The following NSF variants were observed in gnomAD, a reference collection of about 807,000 sequenced individuals.
NSF encodes the protein vesicle-fusing ATPase.
Under a neutral mutation model 50.3 loss-of-function variants are expected in NSF, and 14 were observed. That is an observed-to-expected ratio of 0.28 (90% CI 0.18 to 0.44). The LOEUF (loss-of-function observed/expected upper bound fraction) is 0.44. Among genes scored for constraint, NSF ranks in the 20% least tolerant of loss-of-function variants. The pLI, the probability that NSF is intolerant of heterozygous loss-of-function variation, is 1.00. For missense variants in NSF, 218 were observed against 504.3 expected (o/e 0.43, Z 5.44); for synonymous variants, 109 against 175.7 (o/e 0.62, Z 3.00).
At chr17:46,675,664 G>A (rs1598671310) in intron 9 of NSF, among the ~76,000 whole-genome samples, 2 of 136,300 alleles carry the variant, frequency 1.5e-5, no homozygotes, top group South Asian at 4.6e-4. Flanking sequence ...ACACACACAC[G>A]AACATTCTAT....
chr17:46,714,028 ATG>A (rs141777720), intron 15 of NSF, 42 bp downstream of exon 15: 443 of 1,574,132 alleles, frequency 2.8e-4, no homozygotes, highest in Admixed American at 5.0e-4. Flanking sequence ...TATCTCTTAA[ATG>A]TGTGTGTGTG....
At chr17:46,623,317 C>A (rs1598647477) in intron 1 of NSF, among the ~76,000 whole-genome samples, 3 of 45,414 alleles carry the variant, frequency 6.6e-5, no homozygotes, top group Non-Finnish European at 7.1e-5. Context: ...GACTCCATCT[C>A]AAAAAAAAAA....
chr17:46,751,034 G>C (rs1410035726), intron 18 of NSF, among the ~76,000 whole-genome samples: 1 of 152,186 alleles, frequency 6.6e-6, no homozygotes, highest in Non-Finnish European at 1.5e-5. Context: ...TTGTTCAGCA[G>C]TGGTGGAGTC....
At chr17:46,734,238 C>T (rs2146306504) in intron 17 of NSF, among the ~76,000 whole-genome samples, 1 of 152,254 alleles carries the variant, frequency 6.6e-6, no homozygotes, top group East Asian at 1.9e-4. Flanking sequence ...GAGTATCTCT[C>T]CATCTATTTG....
intron 9 of NSF, among the ~76,000 whole-genome samples, chr17:46,685,465 T>C (rs1018683383): frequency 2.0e-5 from 3 of 151,990 alleles, no homozygotes; most frequent in African/African-American, 7.3e-5. Context: ...CAGTCCACAC[T>C]GACGGAGATG....
intron 17 of NSF, among the ~76,000 whole-genome samples, chr17:46,743,005 C>G (rs2059091451): frequency 6.6e-6 from 1 of 152,166 alleles, no homozygotes; most frequent in South Asian, 2.1e-4. Context: ...ATTTCCTCCT[C>G]AGAAGTTGCT....
Position 46,728,916 on chromosome 17 carries a change from GA to G in NSF, c.1895del (p.Lys632ArgfsTer74). 6.2e-6 allele frequency: 10 copies of G among 1,604,496 alleles called. No individual in the cohort carries two copies. The highest frequency in any genetic ancestry group is 3.4e-5 in the Admixed American group (2 of 59,254). On this transcript the variant is annotated frameshift_variant, in exon 17 of 21. Coordinates refer to ENST00000398238, the MANE Select transcript of NSF (RefSeq NM_006178.4). LOFTEE classifies it high-confidence loss of function. ...TATTACAGGCTCTTCTCGTTTTACT[GA>G]AAAAGGCACCTCCTCAGGTAAAATA... is the stretch of plus-strand genomic sequence containing the variant. ...LVLQALLVLL[K>X]KAPPQGRKLL... is the part of the protein sequence containing the mutation.
At position 46,713,952 on chromosome 17, in the gene NSF, T is replaced by C. The variant is rs756032532; in HGVS notation, c.1727T>C (p.Phe576Ser). The part of the protein sequence containing the change: ...KICSPDKMIG[F>S]SETAKCQAMK... The stretch of plus-strand genomic sequence containing the variant: ...TGTTCTCCTGATAAAATGATTGGCT[T>C]TTCTGAAACAGCCAAATGTCAGGCC... The change falls in exon 15 of 21, where the codon TTT becomes TCT. Residue 576 changes from phenylalanine to serine, a missense_variant. This residue lies in a region of NSF where 209 missense variants were observed against 320.9 expected (regional missense o/e 0.65). Coordinates refer to ENST00000398238, the MANE Select transcript of NSF (RefSeq NM_006178.4). 4 of 1,604,502 alleles carry C rather than the reference T, an allele frequency of 2.5e-6. No homozygotes were observed. The highest frequency in any genetic ancestry group is 2.3e-5 in the South Asian group (2 of 88,056).
At chr17:46,631,080 A>ACACACACACACACACACACACACACG (rs2058132475) in intron 4 of NSF, among the ~76,000 whole-genome samples, 12 of 144,070 alleles carry the variant, frequency 8.3e-5, no homozygotes, top group African/African-American at 2.9e-4. Context: ...ACACACACAC[A>ACACACACACACACACACACACACACG]CACACACACA....
intron 8 of NSF, among the ~76,000 whole-genome samples, chr17:46,659,817 C>G (rs1268100882): frequency 7.0e-6 from 1 of 143,592 alleles, no homozygotes; most frequent in Admixed American, 6.9e-5. Flanking sequence ...CACTTCTCAG[C>G]ATTGGGGCCT....
chr17:46,732,320 A>G (rs2058957413), intron 17 of NSF, among the ~76,000 whole-genome samples: 1 of 152,108 alleles, frequency 6.6e-6, no homozygotes, highest in Admixed American at 6.5e-5. Flanking sequence ...GTTGTTATGT[A>G]TCCAGATATT....
chr17:46,638,425 T>G (rs1025388759), intron 5 of NSF, among the ~76,000 whole-genome samples: 2 of 48,420 alleles, frequency 4.1e-5, no homozygotes, highest in Non-Finnish European at 7.0e-5. Flanking sequence ...TCATCCAGGC[T>G]GGAGTGCAGC....
At chr17:46,704,030 CT>C (rs1419861513) in intron 12 of NSF, among the ~76,000 whole-genome samples, 1 of 149,234 alleles carries the variant, frequency 6.7e-6, no homozygotes, top group Non-Finnish European at 1.5e-5. Flanking sequence ...TCAGAATTTT[CT>C]TTCTTTTTAA....
chr17:46,717,177 C>A (rs1270524417), intron 15 of NSF, among the ~76,000 whole-genome samples: 1 of 152,100 alleles, frequency 6.6e-6, no homozygotes, highest in Non-Finnish European at 1.5e-5. Flanking sequence ...AGAATGAAAT[C>A]CTTGTCATTT....
intron 19 of NSF, 88 bp downstream of exon 19, chr17:46,751,704 T>A: frequency 1.4e-6 from 1 of 707,952 alleles, no homozygotes. Context: ...GCCAAGGTTT[T>A]AATTAATTTA....
At chr17:46,708,261 A>G (rs1398273720) in intron 13 of NSF, among the ~76,000 whole-genome samples, 1 of 151,992 alleles carries the variant, frequency 6.6e-6, no homozygotes, top group Non-Finnish European at 1.5e-5. Flanking sequence ...TTTTTGAGGG[A>G]CCACCATACC....
intron 12 of NSF, 25 bp downstream of exon 12, chr17:46,694,687 T>C: frequency 6.4e-7 from 1 of 1,567,058 alleles, no homozygotes; most frequent in Non-Finnish European, 8.7e-7. Context: ...CTAAACAGAT[T>C]ATAAACATTA....
At chr17:46,721,742 T>C in intron 15 of NSF, 10 of 1,605,188 alleles carry the variant, frequency 6.2e-6, no homozygotes, top group Non-Finnish European at 7.7e-6. Flanking sequence ...GGGGATTCTC[T>C]TGCCCACAAT....
chr17:46,743,355 C>G (rs936097133), intron 17 of NSF, among the ~76,000 whole-genome samples: 1 of 152,192 alleles, frequency 6.6e-6, no homozygotes, highest in Non-Finnish European at 1.5e-5. Context: ...CCCACCTGTT[C>G]AGATGCTTGC....
Sources: gnomAD v4.1 joint callset for allele counts (sites outside exome capture counted in the v4.1 genomes callset) on GRCh38, gnomAD v4.1.1 for gene constraint, gnomAD v4.1.1 regional missense constraint, MANE v1.5 for transcripts, NCBI Gene and HGNC (gene_info 2026-07-23, HGNC 2026-07-21) for gene names.